Variants in MALRD1 observed in about 807,000 individuals in gnomAD.
MALRD1 encodes the protein MAM and LDL-receptor class A domain-containing protein 1.
A neutral mutation model predicts 242.1 loss-of-function variants in MALRD1; 247 were observed. The ratio of observed to expected loss-of-function variants is 1.02; its 90% CI spans 0.92 to 1.13. The LOEUF (loss-of-function observed/expected upper bound fraction) is 1.13, where lower values mean the gene tolerates loss of function less well. Ranked by LOEUF, MALRD1 falls within the 50% of genes most tolerant of loss-of-function variation. The probability of loss-of-function intolerance (pLI) is 0.00; values close to 1 mark genes in which losing one functional copy is unlikely to be tolerated. For synonymous variants in MALRD1, 995 were observed against 866.6 expected, an observed-to-expected ratio of 1.15 and a Z score of -2.60; for missense variants, 2,989 against 2,533.1, an observed-to-expected ratio of 1.18 and a Z score of -3.86.
chr10:19,652,872 A>T (rs1004879233), intron 36 of MALRD1, among the ~76,000 whole-genome samples: 3 of 152,210 alleles, frequency 2.0e-5, no homozygotes, highest in Non-Finnish European at 4.4e-5. Context: ...ACAGTCTGAC[A>T]AAAAGCTTTG....
At chr10:19,550,213 T>C (rs1385131802) in intron 32 of MALRD1, among the ~76,000 whole-genome samples, 2 of 152,090 alleles carry the variant, frequency 1.3e-5, no homozygotes, top group Non-Finnish European at 2.9e-5. Context: ...ATTTGTTTTT[T>C]ATAATTACCC....
At chr10:19,209,731 A>C in intron 18 of MALRD1, 51 bp downstream of exon 18, 3 of 1,434,720 alleles carry the variant, frequency 2.1e-6, no homozygotes, top group Non-Finnish European at 2.8e-6. Flanking sequence ...CTGAATGTCT[A>C]AGGAATATGA....
intron 33 of MALRD1, 87 bp downstream of exon 33, chr10:19,567,790 AT>A: frequency 8.4e-7 from 1 of 1,184,766 alleles, no homozygotes; most frequent in Non-Finnish European, 1.2e-6. Context: ...GAGGAATTAC[AT>A]TTATTTCTGG....
intron 14 of MALRD1, among the ~76,000 whole-genome samples, chr10:19,186,374 A>G (rs1835737946): frequency 6.6e-6 from 1 of 152,168 alleles, no homozygotes; most frequent in African/African-American, 2.4e-5. Flanking sequence ...ACGTCCATTC[A>G]CCCTCATTTA....
rs767552170 is a variant in MALRD1, at chr10:19,331,407, A to C, written c.3726A>C (p.Gly1242=). 25 of 1,550,216 alleles carry C rather than the reference A, an allele frequency of 1.6e-5. No individual in the cohort carries two copies. Residue 1242 remains glycine (G), a synonymous_variant, in exon 24 of 40, where the codon GGA becomes GGC. Transcript: ENST00000454679. ...CCAAACGTGGTATCAGTTACATAGG[A>C]GATGTAGCAGTGGATGATATTTCCT... is the stretch of plus-strand genomic sequence containing the variant. ...FRAKRGISYI[G]DVAVDDISFQ... is the part of the protein sequence containing the mutation.
rs529395416 is a variant in MALRD1 at position 19,167,006 on chromosome 10, G to T, written c.1830+1196G>T. Among the ~76,000 whole-genome samples the T allele has an allele frequency of 2.6e-5, 4 of 152,288 alleles. No homozygotes were observed. In the South Asian group the frequency reaches 8.3e-4, roughly 32 times the overall value. On this transcript the variant is annotated intron_variant, in intron 13 of 39. Coordinates refer to ENST00000454679, the MANE Select transcript of MALRD1 (RefSeq NM_001142308.3). ...TAAAAGCAATACTCCAGGGGAGTCT[G>T]AATATTAAAGATAATATAGCTAAAA...
At chr10:19,485,590 C>A (rs908673557) in intron 29 of MALRD1, among the ~76,000 whole-genome samples, 1 of 151,652 alleles carries the variant, frequency 6.6e-6, no homozygotes, top group African/African-American at 2.4e-5. Context: ...TTGCAGTGAG[C>A]CCAGATCGCG....
At chr10:19,158,230 A>G (rs952107392) in intron 12 of MALRD1, among the ~76,000 whole-genome samples, 3 of 152,196 alleles carry the variant, frequency 2.0e-5, no homozygotes, top group Non-Finnish European at 4.4e-5. Flanking sequence ...ACAATCTCTT[A>G]CTTTTAGGAC....
intron 32 of MALRD1, among the ~76,000 whole-genome samples, chr10:19,546,950 G>A (rs1404133323): frequency 6.6e-6 from 1 of 152,156 alleles, no homozygotes; most frequent in Non-Finnish European, 1.5e-5. Flanking sequence ...TAAAAGAACA[G>A]TAATTCAGCT....
At chr10:19,312,410 G>GTATA (rs1487836190) in intron 21 of MALRD1, among the ~76,000 whole-genome samples, 1 of 141,666 alleles carries the variant, frequency 7.1e-6, no homozygotes, top group East Asian at 2.0e-4. Context: ...ATGTGTATAT[G>GTATA]TGTGTGTGTG....
At chr10:19,230,382 G>A (rs1837996879) in intron 18 of MALRD1, among the ~76,000 whole-genome samples, 2 of 149,340 alleles carry the variant, frequency 1.3e-5, no homozygotes, top group Admixed American at 6.6e-5. Flanking sequence ...ACTGGCACCT[G>A]CTTCCAGGGG....
intron 19 of MALRD1, among the ~76,000 whole-genome samples, chr10:19,265,340 T>A (rs1286754196): frequency 2.6e-5 from 4 of 151,986 alleles, no homozygotes; most frequent in Non-Finnish European, 5.9e-5. Flanking sequence ...ATTTCTGAAT[T>A]TTTTTTATTT....
At chr10:19,454,431 T>C (rs11010036) in intron 29 of MALRD1, among the ~76,000 whole-genome samples, 31,349 of 136,630 alleles carry the variant, frequency 0.23, 4,513 homozygotes, top group South Asian at 0.38. Flanking sequence ...TATATATATA[T>C]AATTATATGA....
At chr10:19,653,904 A>G (rs532758426) in intron 36 of MALRD1, among the ~76,000 whole-genome samples, 2 of 152,282 alleles carry the variant, frequency 1.3e-5, no homozygotes, top group South Asian at 2.1e-4. Flanking sequence ...CTGCTGAGAA[A>G]TGATTCTACA....
chr10:19,558,225 T>A (rs1277393019), intron 32 of MALRD1, among the ~76,000 whole-genome samples: 2 of 152,054 alleles, frequency 1.3e-5, no homozygotes, highest in Non-Finnish European at 2.9e-5. Context: ...TTAGTATGCT[T>A]TTTTCCCCCC....
At chr10:19,662,584 C>A (rs1841492273) in intron 36 of MALRD1, among the ~76,000 whole-genome samples, 1 of 152,020 alleles carries the variant, frequency 6.6e-6, no homozygotes, top group African/African-American at 2.4e-5. Context: ...TGTGTGCAGA[C>A]CAAGGTATTA....
At chr10:19,257,171 C>G (rs918851627) in intron 18 of MALRD1, among the ~76,000 whole-genome samples, 1 of 152,024 alleles carries the variant, frequency 6.6e-6, no homozygotes, top group Admixed American at 6.6e-5. Flanking sequence ...TCACGATTAG[C>G]CAATTTCATA....
intron 28 of MALRD1, among the ~76,000 whole-genome samples, chr10:19,409,850 A>G (rs182153613): frequency 6.6e-6 from 1 of 152,306 alleles, no homozygotes; most frequent in East Asian, 1.9e-4. Context: ...TCCAATTTGT[A>G]CAATGTAAAA....
chr10:19,289,109 A>T (rs911583974), intron 21 of MALRD1, among the ~76,000 whole-genome samples: 1 of 152,028 alleles, frequency 6.6e-6, no homozygotes, highest in African/African-American at 2.4e-5. Context: ...TCTGACTCAC[A>T]AAAAAAGCAA....
Sources: gnomAD v4.1 joint callset for allele counts (sites outside exome capture counted in the v4.1 genomes callset) on GRCh38, gnomAD v4.1.1 for gene constraint, MANE v1.5 for transcripts, NCBI Gene and HGNC (gene_info 2026-07-23, HGNC 2026-07-21) for gene names.